GRID2: variants seen among roughly 807,000 people sequenced by gnomAD.
The protein encoded by GRID2 is glutamate receptor ionotropic, delta-2.
In GRID2, 33 loss-of-function variants were observed where a neutral mutation model predicts 114.8. The observed-to-expected ratio is 0.29, with a 90% confidence interval of 0.22 to 0.38. The LOEUF (loss-of-function observed/expected upper bound fraction) is 0.38. Ranked by LOEUF, GRID2 falls within the 10% of genes least tolerant of loss-of-function variation. The pLI is 1.00. For synonymous variants in GRID2, 505 were observed against 449.9 expected (o/e 1.12, Z -1.55); for missense variants, 1,184 against 1,257.7 (o/e 0.94, Z 0.89).
chr4:93,482,574 A>G (rs1725981519), intron 11 of GRID2, among the ~76,000 whole-genome samples: 1 of 151,886 alleles, frequency 6.6e-6, no homozygotes, highest in South Asian at 2.1e-4. Flanking sequence ...TAGGACATAT[A>G]CCTAATGGAT....
chr4:93,723,966 A>G (rs191872933), intron 14 of GRID2, among the ~76,000 whole-genome samples: 2 of 152,304 alleles, frequency 1.3e-5, no homozygotes, highest in Admixed American at 1.3e-4. Context: ...ACATACTATC[A>G]CCACTTCCAA....
intron 2 of GRID2, among the ~76,000 whole-genome samples, chr4:93,011,461 A>G (rs1273278926): frequency 6.6e-6 from 1 of 151,998 alleles, no homozygotes; most frequent in South Asian, 2.1e-4. Context: ...TGAAATTGGT[A>G]AAGTTCTAAT....
intron 4 of GRID2, among the ~76,000 whole-genome samples, chr4:93,151,274 G>A (rs1220309365): frequency 6.6e-6 from 1 of 151,996 alleles, no homozygotes; most frequent in Non-Finnish European, 1.5e-5. Flanking sequence ...TGTCATCTGA[G>A]GTCTGGTATG....
chr4:93,306,501 C>A (rs1284786947), intron 8 of GRID2, among the ~76,000 whole-genome samples: 1 of 152,026 alleles, frequency 6.6e-6, no homozygotes, highest in Non-Finnish European at 1.5e-5. Flanking sequence ...AAAAGGTAAC[C>A]AAAGAATGAG....
At chr4:92,671,940 T>C (rs1385057813) in intron 2 of GRID2, among the ~76,000 whole-genome samples, 2 of 152,122 alleles carry the variant, frequency 1.3e-5, no homozygotes, top group African/African-American at 2.4e-5. Flanking sequence ...AGGATACTCT[T>C]ACATACTGAT....
intron 11 of GRID2, among the ~76,000 whole-genome samples, chr4:93,474,736 A>G (rs1481915092): frequency 3.9e-5 from 6 of 152,052 alleles, no homozygotes; most frequent in South Asian, 2.1e-4. Context: ...TCCCTTCCCT[A>G]TGATAGCCTG....
chr4:92,602,698 G>A (rs951735206), intron 2 of GRID2, among the ~76,000 whole-genome samples: 10 of 152,106 alleles, frequency 6.6e-5, no homozygotes, highest in African/African-American at 2.4e-4. Flanking sequence ...TGGAAGTTCT[G>A]GCCAGGGTAA....
At chr4:92,972,370 AT>A (rs1753577708) in intron 2 of GRID2, among the ~76,000 whole-genome samples, 1 of 151,990 alleles carries the variant, frequency 6.6e-6, no homozygotes, top group South Asian at 2.1e-4. Context: ...TTTTAAGAAG[AT>A]ATTTAGAGAA....
Position 92,499,201 on chromosome 4 carries a change from AT to A in GRID2, c.89-90929del, listed in dbSNP as rs112781693. On this transcript the variant is annotated intron_variant, in intron 1 of 15. Coordinates refer to ENST00000282020, the MANE Select transcript of GRID2 (RefSeq NM_001510.4). ...GATTACATTTCAGAGCTTTATATTT[AT>A]CATTTGTTCCTTTCCTTATATTAAT... Among the ~76,000 whole-genome samples the A allele has an allele frequency of 6.0e-3, 914 of 151,968 alleles. 8 individuals carry two copies. Among genetic ancestry groups the A allele is most frequent in the African/African-American group, 0.021 (886 of 41,492 alleles).
intron 2 of GRID2, among the ~76,000 whole-genome samples, chr4:92,639,943 G>A (rs185530399): frequency 1.3e-4 from 19 of 151,812 alleles, no homozygotes; most frequent in Admixed American, 5.3e-4. Context: ...TGTGTATTAT[G>A]TAAAATTGAG....
At chr4:92,972,502 A>T (rs535306457) in intron 2 of GRID2, among the ~76,000 whole-genome samples, 1 of 152,164 alleles carries the variant, frequency 6.6e-6, no homozygotes, top group Admixed American at 6.6e-5. Context: ...TCAGTAAAAT[A>T]TATGTCTGTA....
chr4:92,959,131 A>G (rs1169711450), intron 2 of GRID2, among the ~76,000 whole-genome samples: 2 of 148,660 alleles, frequency 1.3e-5, no homozygotes, highest in Admixed American at 1.3e-4. Context: ...TTTTCCCAAA[A>G]GACTGACTTT....
At chr4:93,635,788 T>C (rs1378306684) in intron 14 of GRID2, among the ~76,000 whole-genome samples, 1 of 152,172 alleles carries the variant, frequency 6.6e-6, no homozygotes, top group African/African-American at 2.4e-5. Flanking sequence ...GAGTTTAGTC[T>C]AAATAGATGA....
At chr4:93,603,215 A>AAAAAGAAAAG (rs551268251) in intron 13 of GRID2, among the ~76,000 whole-genome samples, 1 of 152,156 alleles carries the variant, frequency 6.6e-6, no homozygotes, top group African/African-American at 2.4e-5. Flanking sequence ...CATCTCAAAA[A>AAAAAGAAAAG]AAAAGAAAAG....
intron 2 of GRID2, among the ~76,000 whole-genome samples, chr4:92,904,246 A>C (rs1399329487): frequency 6.6e-6 from 1 of 151,206 alleles, no homozygotes; most frequent in Admixed American, 6.6e-5. Context: ...GTATACTCAT[A>C]AAAGTTTAAG....
At chr4:92,670,800 C>T (rs1490302191) in intron 2 of GRID2, among the ~76,000 whole-genome samples, 2 of 151,886 alleles carry the variant, frequency 1.3e-5, no homozygotes, top group Admixed American at 6.6e-5. Flanking sequence ...ATGAGAAAAC[C>T]GGGGCTTAGA....
intron 14 of GRID2, among the ~76,000 whole-genome samples, chr4:93,664,071 A>G (rs961463981): frequency 6.6e-6 from 1 of 152,244 alleles, no homozygotes; most frequent in Non-Finnish European, 1.5e-5. Context: ...ATATGTGAGC[A>G]GAAACCTGAA....
intron 14 of GRID2, among the ~76,000 whole-genome samples, chr4:93,745,566 T>G (rs1304989830): frequency 6.6e-6 from 1 of 152,104 alleles, no homozygotes; most frequent in African/African-American, 2.4e-5. Flanking sequence ...AGCAGATACT[T>G]CCATGAGTGA....
At chr4:93,803,721 CAA>C (rs879710225) in intron 1 of GRID2, among the ~76,000 whole-genome samples, 1 of 137,222 alleles carries the variant, frequency 7.3e-6, no homozygotes, top group East Asian at 2.1e-4. Context: ...GACTTCGTCT[CAA>C]AAAAAAAAAC....
Sources: gnomAD v4.1 joint callset for allele counts (sites outside exome capture counted in the v4.1 genomes callset) on GRCh38, gnomAD v4.1.1 for gene constraint, MANE v1.5 for transcripts, NCBI Gene and HGNC (gene_info 2026-07-23, HGNC 2026-07-21) for gene names.